The following KRT2 variants were observed in gnomAD, a reference collection of about 807,000 sequenced individuals.
KRT2 encodes the protein keratin 2, also known as keratin, type II cytoskeletal 2 epidermal.
A neutral mutation model predicts 48.5 loss-of-function variants in KRT2; 37 were observed. The ratio of observed to expected loss-of-function variants is 0.76; its 90% CI spans 0.59 to 1.00. KRT2 has a LOEUF of 1.00. Ranked by LOEUF, KRT2 falls within the 50% of genes least tolerant of loss-of-function variation. The pLI, the probability that KRT2 is intolerant of heterozygous loss-of-function variation, is 0.00. For missense variants in KRT2, 880 were observed against 815.2 expected (o/e 1.08, Z -0.97); for synonymous variants, 324 against 312.2 (o/e 1.04, Z -0.40).
chr12:52,649,855 A>G (rs1941221977), intron 3 of KRT2, 59 bp downstream of exon 3: 3 of 1,326,634 alleles, frequency 2.3e-6, no homozygotes, highest in South Asian at 2.3e-5. Context: ...CTGCTTAGAC[A>G]CAATGGGGCT....
rs367546338 is a variant in KRT2, at chr12:52,649,090, C to G, written c.874G>C (p.Ala292Pro). ...TGCAACTCCACCTTTATCATGTAGG[C>G]ATTGTCCACGTCCTGCAAGAAAGGT... Reference protein sequence around the residue: ...FVTLKKDVDNAYMIKVELQSK... With the variant: ...FVTLKKDVDNPYMIKVELQSK... The change falls in exon 4 of 9, where the codon GCC becomes CCC. Residue 292 changes from alanine (A) to proline (P), a missense_variant. Ala to Pro is a conservative substitution (Grantham distance 27). Transcript: ENST00000309680. 6.2e-7 allele frequency: 1 copy of G among 1,610,816 alleles called. No individual in the cohort carries two copies. The highest frequency in any genetic ancestry group is 8.5e-7 in the Non-Finnish European group (1 of 1,177,270).
At position 52,651,546 on chromosome 12, in the gene KRT2, C is replaced by T; in HGVS notation, c.585+12G>A. On this transcript the variant is annotated intron_variant, in intron 1 of 8. Transcript: ENST00000309680. ...CCTGAGCATCAGTGGGAGCCGTCTTCTCCAGAGTCACCTTGTCAATGAAGG... is the reference window on the plus strand; with the variant it reads ...CCTGAGCATCAGTGGGAGCCGTCTTTTCCAGAGTCACCTTGTCAATGAAGG... 1 of 1,598,834 alleles carries T rather than the reference C, an allele frequency of 6.3e-7. No individual in the cohort carries two copies. Among genetic ancestry groups the T allele is most frequent in the Non-Finnish European group, 8.6e-7 (1 of 1,166,022 alleles).
Position 52,648,224 on chromosome 12 carries a change from C to T in KRT2, c.1071G>A (p.Glu357=), listed in dbSNP as rs1448152242. ...SIIAEVKAQY[E]EIAQRSKEEA... Reference sequence around the variant, plus strand: ...CTTCCTTGCTCCTCTGGGCGATCTCCTCATACTGGGCCTTGACCTCGGCGA... The same window carrying T: ...CTTCCTTGCTCCTCTGGGCGATCTCTTCATACTGGGCCTTGACCTCGGCGA... Residue 357 remains glutamate, a synonymous_variant, in exon 5 of 9, where the codon GAG becomes GAA. Coordinates refer to ENST00000309680, the MANE Select transcript of KRT2 (RefSeq NM_000423.3). The T allele has an allele frequency of 6.2e-7, 1 of 1,614,198 alleles. No homozygotes were observed. The highest frequency in any genetic ancestry group is 2.2e-5 in the East Asian group (1 of 44,884).
chr12:52,650,609 A>G, intron 1 of KRT2, 56 bp from the exon 2 acceptor site: 3 of 1,471,350 alleles, frequency 2.0e-6, no homozygotes, highest in Non-Finnish European at 2.9e-6. Flanking sequence ...ACACCAAGCA[A>G]GCCACGCTGG....
chr12:52,648,376 A>G, intron 4 of KRT2, 39 bp from the exon 5 acceptor site: 6 of 1,582,998 alleles, frequency 3.8e-6, no homozygotes, highest in Non-Finnish European at 5.2e-6. Context: ...ACATCCTGCC[A>G]TAGCTACAGG....
chr12:52,651,552 A>G lies in KRT2; in HGVS notation c.585+6T>C, dbSNP rs1460947563. On this transcript the variant is annotated splice_donor_region_variant and intron_variant, in intron 1 of 8. Transcript: ENST00000309680. Reference sequence around the variant, plus strand: ...CATCAGTGGGAGCCGTCTTCTCCAGAGTCACCTTGTCAATGAAGGAGGCAA... The same window carrying G: ...CATCAGTGGGAGCCGTCTTCTCCAGGGTCACCTTGTCAATGAAGGAGGCAA... The G allele has an allele frequency of 1.9e-6, 3 of 1,603,904 alleles. No individual in the cohort carries two copies. The highest frequency in any genetic ancestry group is 2.6e-6 in the Non-Finnish European group (3 of 1,170,806).
intron 7 of KRT2, among the ~76,000 whole-genome samples, chr12:52,646,136 G>A (rs909852314): frequency 6.6e-6 from 1 of 152,246 alleles, no homozygotes; most frequent in African/African-American, 2.4e-5. Flanking sequence ...CTGGCTTGCT[G>A]ATGGCCTGGG....
At position 52,646,720 on chromosome 12, in the gene KRT2, T is replaced by G; in HGVS notation, c.1469+20A>C. 6.2e-7 allele frequency: 1 copy of G among 1,612,834 alleles called. No homozygotes were observed. The stretch of plus-strand genomic sequence containing the variant: ...GAGAGGAAGGGCCAGGGTCCCCTTC[T>G]CCCTTCCCAGTGCCCTCACCTGCAC... On this transcript the variant is annotated intron_variant, in intron 7 of 8. Coordinates refer to ENST00000309680, the MANE Select transcript of KRT2 (RefSeq NM_000423.3).
At chr12:52,648,452 G>A (rs1376317034) in intron 4 of KRT2, 115 bp from the exon 5 acceptor site, 7 of 904,578 alleles carry the variant, frequency 7.7e-6, no homozygotes, top group South Asian at 6.6e-5. Flanking sequence ...CATACACTAG[G>A]TGGGATGAAA....
Position 52,645,023 on chromosome 12 carries a change from C to G in KRT2, c.1916G>C (p.Arg639Thr). Residue 639 changes from arginine to threonine, a missense_variant, in exon 9 of 9, where the codon AGA (arginine) becomes ACA (threonine). Arg to Thr is a moderately conservative substitution (Grantham distance 71). Coordinates refer to ENST00000309680, the MANE Select transcript of KRT2 (RefSeq NM_000423.3). ...AFGSSVTFSFR is the reference protein window; with the variant it reads ...AFGSSVTFSFT The stretch of plus-strand genomic sequence containing the variant: ...GGTGGTGGTGGGGGCTCATCTTTAT[C>G]TAAAAGAGAAGGTCACGCTGGAACC... The G allele has an allele frequency of 6.2e-7, 1 of 1,613,604 alleles. No homozygotes were observed. Among genetic ancestry groups the G allele is most frequent in the East Asian group, 2.2e-5 (1 of 44,876 alleles).
Position 52,647,765 on chromosome 12 carries a change from T to C in KRT2, c.1213A>G (p.Arg405Gly). 1.2e-6 allele frequency: 2 copies of C among 1,614,022 alleles called. No individual in the cohort carries two copies. The highest frequency in any genetic ancestry group is 1.7e-6 in the Non-Finnish European group (2 of 1,179,972). The change falls in exon 6 of 9, where the codon AGG becomes GGG. Residue 405 changes from arginine to glycine, a missense_variant. By Grantham distance (125) the Arg-to-Gly change is moderately radical (BLOSUM62 -2). Coordinates refer to ENST00000309680, the MANE Select transcript of KRT2 (RefSeq NM_000423.3). The stretch of plus-strand genomic sequence containing the variant: ...ACATGTGCGATCTCCCCCTGCAGCC[T>C]CTGGATCACGCGGTTCAGCTCGCTG... ...EISELNRVIQ[R>G]LQGEIAHVKK...
Position 52,651,779 on chromosome 12 carries a change from GGCCTCCACCAAAGCC to G in KRT2, c.349_363del (p.Gly117_Gly121del), listed in dbSNP as rs760023272. 28 of 1,611,410 alleles carry G rather than the reference GGCCTCCACCAAAGCC, an allele frequency of 1.7e-5. No homozygotes were observed. The highest frequency in any genetic ancestry group is 3.3e-5 in the South Asian group (3 of 90,912). Reference sequence around the variant, plus strand: ...CCAGGGCCCCCAAAACCTCCAAAGCGGCCTCCACCAAAGCCGCCTCCACCGAAACCACCACCACTG... The same window carrying G: ...CCAGGGCCCCCAAAACCTCCAAAGCGGCCTCCACCGAAACCACCACCACTG... On this transcript the variant is annotated inframe_deletion, in exon 1 of 9. Coordinates refer to ENST00000309680, the MANE Select transcript of KRT2 (RefSeq NM_000423.3).
chr12:52,649,066 G>T lies in KRT2; in HGVS notation c.898C>A (p.Gln300Lys). ...TGGTTCAGCAGGTCCACCTTGGACT[G>T]CAACTCCACCTTTATCATGTAGGCA... ...DNAYMIKVELQSKVDLLNQEI... is the reference protein window; with the variant it reads ...DNAYMIKVELKSKVDLLNQEI... The change falls in exon 4 of 9, where the codon CAG becomes AAG. Residue 300 changes from glutamine (Q) to lysine (K), a missense_variant. Physicochemically the swap from Gln to Lys is moderately conservative, Grantham distance 53. Coordinates refer to ENST00000309680, the MANE Select transcript of KRT2 (RefSeq NM_000423.3). The T allele has an allele frequency of 6.2e-7, 1 of 1,613,294 alleles. No homozygotes were observed. The highest frequency in any genetic ancestry group is 1.7e-5 in the Admixed American group (1 of 60,022).
rs374587076 is a variant in KRT2 at position 52,650,422 on chromosome 12, A to G, written c.717T>C (p.Tyr239=). 1.9e-6 allele frequency: 3 copies of G among 1,614,090 alleles called. No individual in the cohort carries two copies. The highest frequency in any genetic ancestry group is 1.1e-5 in the South Asian group (1 of 91,088). Residue 239 remains tyrosine (Y), a synonymous_variant, in exon 2 of 9, where the codon TAT becomes TAC. Coordinates refer to ENST00000309680, the MANE Select transcript of KRT2 (RefSeq NM_000423.3). ...TTCTTTCTGCAGTGAGCCCATCCAGATATCTCTTGAGGCTGTCGATATACC... is the reference window on the plus strand; with the variant it reads ...TTCTTTCTGCAGTGAGCCCATCCAGGTATCTCTTGAGGCTGTCGATATACC... ...FQGYIDSLKR[Y]LDGLTAERTS... is the part of the protein sequence containing the mutation.
Position 52,646,944 on chromosome 12 carries a change from T to C in KRT2, c.1265A>G (p.Asp422Gly), listed in dbSNP as rs776908640. ...HVKKQCKNVQDAIADAEQRGE... is the reference protein window; with the variant it reads ...HVKKQCKNVQGAIADAEQRGE... ...ACGCTGCTCGGCATCTGCGATGGCATCTTGCACATTCTTACACTATGACAG... is the reference window on the plus strand; with the variant it reads ...ACGCTGCTCGGCATCTGCGATGGCACCTTGCACATTCTTACACTATGACAG... Residue 422 changes from aspartate (D) to glycine (G), a missense_variant, in exon 7 of 9, where the codon GAT (aspartate) becomes GGT (glycine). By Grantham distance (94) the Asp-to-Gly change is moderately conservative (BLOSUM62 -1). Transcript: ENST00000309680. The C allele has an allele frequency of 6.2e-7, 1 of 1,613,930 alleles. No homozygotes were observed. The highest frequency in any genetic ancestry group is 8.5e-7 in the Non-Finnish European group (1 of 1,179,936).
chr12:52,645,140 C>A lies in KRT2; in HGVS notation c.1799G>T (p.Gly600Val). Residue 600 changes from glycine (G) to valine (V), a missense_variant, in exon 9 of 9, where the codon GGT becomes GTT. Transcript: ENST00000309680. ...GSGGGKHSSGGGSRGGSSSGG... is the reference protein window; with the variant it reads ...GSGGGKHSSGVGSRGGSSSGG... ...AGAGCTGGAGCCTCCTCTAGAGCCACCTCCAGAGCTGTGTTTTCCACCTCC... is the reference window on the plus strand; with the variant it reads ...AGAGCTGGAGCCTCCTCTAGAGCCAACTCCAGAGCTGTGTTTTCCACCTCC... The A allele has an allele frequency of 6.2e-7, 1 of 1,613,902 alleles. No homozygotes were observed. The highest frequency in any genetic ancestry group is 8.5e-7 in the Non-Finnish European group (1 of 1,179,984).
intron 5 of KRT2, 110 bp from the exon 6 acceptor site, chr12:52,647,965 G>C: frequency 7.0e-7 from 1 of 1,427,022 alleles, no homozygotes; most frequent in Non-Finnish European, 9.8e-7. Flanking sequence ...GGTCAACCCA[G>C]CTAAATGTCA....
rs749830972 is a variant in KRT2, at chr12:52,652,034, T to C, written c.109A>G (p.Thr37Ala). 7 of 1,607,272 alleles carry C rather than the reference T, an allele frequency of 4.4e-6. No individual in the cohort carries two copies. In the East Asian group the frequency reaches 1.1e-4, roughly 26 times the overall value. The change falls in exon 1 of 9, where the codon ACT becomes GCT. Residue 37 changes from threonine (T) to alanine (A), a missense_variant. Physicochemically the swap from Thr to Ala is moderately conservative, Grantham distance 58 (BLOSUM62 0). Transcript: ENST00000309680. The stretch of plus-strand genomic sequence containing the variant: ...CGGCTCAAGCAGGAGAAGCTGGAAG[T>C]TGATCTCCGGCTTCCACCAGACACC... ...AVVSGGSRRS[T>A]SSFSCLSRHG...
intron 1 of KRT2, 63 bp from the exon 2 acceptor site, chr12:52,650,616 C>T: frequency 7.1e-7 from 1 of 1,405,800 alleles, no homozygotes; most frequent in Admixed American, 1.7e-5. Flanking sequence ...GCAAGCCACG[C>T]TGGCCAGGGG....
Sources: gnomAD v4.1 joint callset for allele counts (sites outside exome capture counted in the v4.1 genomes callset) on GRCh38, gnomAD v4.1.1 for gene constraint, MANE v1.5 for transcripts, NCBI Gene and HGNC (gene_info 2026-07-23, HGNC 2026-07-21) for gene names.